RBMS3: variants seen among roughly 807,000 people sequenced by gnomAD.
RBMS3 encodes the protein RNA-binding motif, single-stranded-interacting protein 3.
RBMS3 carries 27 observed loss-of-function variants against 66.8 expected under a neutral mutation model. That is an observed-to-expected ratio of 0.40 (90% CI 0.30 to 0.56). The LOEUF is 0.56. Among genes scored for constraint, RBMS3 ranks in the 20% least tolerant of loss-of-function variants. The pLI is 0.40. For missense variants in RBMS3, 513 were observed against 549.5 expected, an observed-to-expected ratio of 0.93 and a Z score of 0.66; for synonymous variants, 188 against 183.0, an observed-to-expected ratio of 1.03 and a Z score of -0.22.
chr3:29,817,931 C>T (rs1009254262), intron 6 of RBMS3, among the ~76,000 whole-genome samples: 4 of 152,056 alleles, frequency 2.6e-5, no homozygotes, highest in African/African-American at 4.8e-5. Flanking sequence ...TTTGTTCCAT[C>T]GTTTATTGAA....
chr3:29,410,875 T>G, intron 1 of RBMS3, among the ~76,000 whole-genome samples: 1 of 151,670 alleles, frequency 6.6e-6, no homozygotes, highest in East Asian at 1.9e-4. Context: ...TGGAAGGTTT[T>G]GGGAAAGACA....
chr3:29,298,663 C>T (rs755184551), intron 1 of RBMS3, among the ~76,000 whole-genome samples: 4 of 151,398 alleles, frequency 2.6e-5, no homozygotes, highest in Non-Finnish European at 4.4e-5. Context: ...CAATATAAGA[C>T]GTTTATCTCA....
At chr3:29,581,835 C>T (rs571412328) in intron 3 of RBMS3, among the ~76,000 whole-genome samples, 1 of 152,210 alleles carries the variant, frequency 6.6e-6, no homozygotes, top group Admixed American at 6.5e-5. Flanking sequence ...GATGGCCCTG[C>T]AAATCTAAAG....
At chr3:29,498,411 A>G (rs769905511) in intron 3 of RBMS3, among the ~76,000 whole-genome samples, 2 of 152,152 alleles carry the variant, frequency 1.3e-5, no homozygotes, top group African/African-American at 2.4e-5. Context: ...CAAATTGTAT[A>G]TACTAATGTA....
intron 4 of RBMS3, among the ~76,000 whole-genome samples, chr3:29,633,901 C>T (rs112055544): frequency 6.6e-6 from 1 of 151,674 alleles, no homozygotes; most frequent in Non-Finnish European, 1.5e-5. Flanking sequence ...TTTAAATAAC[C>T]CCACTCAATA....
intron 4 of RBMS3, among the ~76,000 whole-genome samples, chr3:29,630,488 T>G (rs1165997918): frequency 6.6e-5 from 10 of 151,942 alleles, no homozygotes; most frequent in African/African-American, 2.4e-4. Context: ...CATAGGAAAC[T>G]CAGTCAATTC....
At chr3:29,571,291 A>G (rs2046944241) in intron 3 of RBMS3, among the ~76,000 whole-genome samples, 1 of 151,932 alleles carries the variant, frequency 6.6e-6, no homozygotes. Flanking sequence ...CACTTTGTTC[A>G]TTGTTTTCCC....
At chr3:29,465,438 A>G (rs1228886951) in intron 2 of RBMS3, among the ~76,000 whole-genome samples, 1 of 151,548 alleles carries the variant, frequency 6.6e-6, no homozygotes, top group Non-Finnish European at 1.5e-5. Flanking sequence ...CCTCCAGAGT[A>G]ATATGTTCCT....
intron 5 of RBMS3, among the ~76,000 whole-genome samples, chr3:29,742,174 A>G (rs991595945): frequency 6.6e-6 from 1 of 152,240 alleles, no homozygotes; most frequent in Non-Finnish European, 1.5e-5. Flanking sequence ...AGGCAGAACT[A>G]TAATGCTGGT....
intron 1 of RBMS3, among the ~76,000 whole-genome samples, chr3:29,434,277 C>T (rs1024622312): frequency 6.6e-6 from 1 of 152,100 alleles, no homozygotes; most frequent in Non-Finnish European, 1.5e-5. Flanking sequence ...TTATGCTGAA[C>T]AGTAATGTTG....
intron 3 of RBMS3, among the ~76,000 whole-genome samples, chr3:29,543,391 T>G (rs2045836268): frequency 6.6e-6 from 1 of 152,126 alleles, no homozygotes; most frequent in Admixed American, 6.5e-5. Flanking sequence ...CAATTCATAT[T>G]TACAAAATAA....
At chr3:29,531,887 A>G (rs1576140215) in intron 3 of RBMS3, among the ~76,000 whole-genome samples, 1 of 152,136 alleles carries the variant, frequency 6.6e-6, no homozygotes, top group Non-Finnish European at 1.5e-5. Context: ...GTCTTTTGTC[A>G]CGTAGCAATT....
Position 29,431,507 on chromosome 3 carries a change from G to T in RBMS3, c.76-3236G>T, listed in dbSNP as rs529684201. On this transcript the variant is annotated intron_variant, in intron 1 of 14. Transcript: ENST00000383767. ...GGGGTTTCACTATGTTGGCCAGGATGGTCTTGATCTCCCGACCTTGTGATC... is the reference window on the plus strand; with the variant it reads ...GGGGTTTCACTATGTTGGCCAGGATTGTCTTGATCTCCCGACCTTGTGATC... Among the ~76,000 whole-genome samples the T allele has an allele frequency of 9.9e-5, 15 of 151,962 alleles. No individual in the cohort carries two copies. The East Asian group carries it at 2.9e-3, about 30-fold the overall frequency.
intron 6 of RBMS3, among the ~76,000 whole-genome samples, chr3:29,808,995 C>T (rs1346682344): frequency 6.6e-6 from 1 of 151,844 alleles, no homozygotes; most frequent in African/African-American, 2.4e-5. Context: ...TGTAATTTGT[C>T]ACAGTGATGG....
intron 1 of RBMS3, among the ~76,000 whole-genome samples, chr3:29,319,844 G>A (rs2034905504): frequency 6.6e-6 from 1 of 151,936 alleles, no homozygotes; most frequent in African/African-American, 2.4e-5. Context: ...GTTCATGTCA[G>A]CACATGTCAA....
At chr3:29,450,931 ACCCC>A (rs377592236) in intron 2 of RBMS3, among the ~76,000 whole-genome samples, 1 of 59,610 alleles carries the variant, frequency 1.7e-5, no homozygotes, top group Non-Finnish European at 4.0e-5. Flanking sequence ...ACACACACAC[ACCCC>A]CCACACACAC....
intron 1 of RBMS3, among the ~76,000 whole-genome samples, chr3:29,368,702 G>C (rs779392314): frequency 1.3e-5 from 2 of 152,000 alleles, no homozygotes; most frequent in Non-Finnish European, 2.9e-5. Context: ...AGAGAAAAAG[G>C]AATGCTTATA....
chr3:29,339,999 GT>G (rs1276820086), intron 1 of RBMS3, among the ~76,000 whole-genome samples: 1 of 152,104 alleles, frequency 6.6e-6, no homozygotes, highest in Non-Finnish European at 1.5e-5. Context: ...AAAACACCAA[GT>G]TGGGGCCAGA....
At chr3:29,336,478 A>G (rs2035955766) in intron 1 of RBMS3, among the ~76,000 whole-genome samples, 1 of 151,594 alleles carries the variant, frequency 6.6e-6, no homozygotes, top group Non-Finnish European at 1.5e-5. Flanking sequence ...AACCATAATC[A>G]ACCTGTGAGA....
Sources: allele counts gnomAD v4.1 joint callset (sites outside exome capture counted in the v4.1 genomes callset), GRCh38; gene constraint gnomAD v4.1.1; transcripts MANE v1.5; gene names NCBI Gene and HGNC (gene_info 2026-07-23, HGNC 2026-07-21).